Variants in ERBB4 observed in about 807,000 individuals in gnomAD.
The protein encoded by ERBB4 is erb-b2 receptor tyrosine kinase 4.
A neutral mutation model predicts 158.0 loss-of-function variants in ERBB4; 42 were observed. That is an observed-to-expected ratio of 0.27 (90% CI 0.21 to 0.34). The LOEUF is 0.34. Ranked by LOEUF, ERBB4 falls within the 10% of genes least tolerant of loss-of-function variation. The probability of loss-of-function intolerance (pLI) is 1.00; values close to 1 mark genes in which losing one functional copy is unlikely to be tolerated. For synonymous variants in ERBB4, 583 were observed against 558.7 expected, an observed-to-expected ratio of 1.04 and a Z score of -0.61; for missense variants, 1,333 against 1,624.1, an observed-to-expected ratio of 0.82 and a Z score of 3.08.
At chr2:211,486,616 G>C (rs574879597) in intron 20 of ERBB4, among the ~76,000 whole-genome samples, 3 of 151,932 alleles carry the variant, frequency 2.0e-5, no homozygotes, top group Non-Finnish European at 4.4e-5. Context: ...CCTTGGCTTT[G>C]ATTTTAAACA....
chr2:211,566,612 C>T (rs1239729819), intron 19 of ERBB4, among the ~76,000 whole-genome samples: 1 of 151,920 alleles, frequency 6.6e-6, no homozygotes, highest in Non-Finnish European at 1.5e-5. Context: ...CTATTATTAC[C>T]TATTATTTAA....
chr2:211,662,217 A>T (rs1156802263), intron 15 of ERBB4, among the ~76,000 whole-genome samples: 1 of 152,100 alleles, frequency 6.6e-6, no homozygotes, highest in East Asian at 1.9e-4. Context: ...GTTTGGTTTG[A>T]TACAAAACCA....
intron 2 of ERBB4, among the ~76,000 whole-genome samples, chr2:211,990,784 A>G (rs1185524852): frequency 1.3e-5 from 2 of 151,916 alleles, no homozygotes; most frequent in African/African-American, 4.8e-5. Context: ...TTTAGAAGAC[A>G]AAACGTAAGA....
chr2:211,543,365 A>C (rs2066863863), intron 20 of ERBB4, among the ~76,000 whole-genome samples: 1 of 152,054 alleles, frequency 6.6e-6, no homozygotes, highest in Non-Finnish European at 1.5e-5. Flanking sequence ...CAATTTCTTT[A>C]AAGCATATTG....
At chr2:212,285,169 T>C (rs1461830463) in intron 1 of ERBB4, among the ~76,000 whole-genome samples, 2 of 152,164 alleles carry the variant, frequency 1.3e-5, no homozygotes, top group Non-Finnish European at 2.9e-5. Context: ...GGCTCAGTTA[T>C]AGACTTTCGC....
chr2:212,015,182 G>T (rs1005536721), intron 2 of ERBB4, among the ~76,000 whole-genome samples: 4 of 146,118 alleles, frequency 2.7e-5, no homozygotes, highest in African/African-American at 1.0e-4. Flanking sequence ...AGGAGAATGG[G>T]GTGAACCCAG....
chr2:211,890,455 C>CA (rs1414362180), intron 3 of ERBB4, among the ~76,000 whole-genome samples: 1 of 151,836 alleles, frequency 6.6e-6, no homozygotes, highest in East Asian at 1.9e-4. Flanking sequence ...AAAATCATGC[C>CA]AAAATGTACA....
chr2:212,015,868 A>AG (rs952920999), intron 2 of ERBB4, among the ~76,000 whole-genome samples: 1 of 152,188 alleles, frequency 6.6e-6, no homozygotes, highest in African/African-American at 2.4e-5. Flanking sequence ...GCAAAGTCAC[A>AG]GGGGTGTGAG....
At chr2:211,894,326 C>T (rs927423549) in intron 3 of ERBB4, among the ~76,000 whole-genome samples, 59 of 147,966 alleles carry the variant, frequency 4.0e-4, no homozygotes, top group East Asian at 1.8e-3. Flanking sequence ...AAACCAAACA[C>T]GGCATATTCT....
At chr2:212,360,951 G>T (rs981714927) in intron 1 of ERBB4, among the ~76,000 whole-genome samples, 6 of 151,636 alleles carry the variant, frequency 4.0e-5, no homozygotes, top group African/African-American at 1.2e-4. Flanking sequence ...CTTCTTAACA[G>T]ATTTTTCTCA....
chr2:211,638,491 T>C (rs538830756), intron 16 of ERBB4, among the ~76,000 whole-genome samples: 1 of 152,194 alleles, frequency 6.6e-6, no homozygotes, highest in Non-Finnish European at 1.5e-5. Flanking sequence ...TTACAGTTTT[T>C]GGTTGACGAG....
chr2:211,920,800 T>C (rs2079838632), intron 3 of ERBB4, among the ~76,000 whole-genome samples: 1 of 151,898 alleles, frequency 6.6e-6, no homozygotes, highest in African/African-American at 2.4e-5. Flanking sequence ...TTATGTTTTC[T>C]TTTCTATTTG....
At chr2:212,371,755 C>A (rs1006163712) in intron 1 of ERBB4, among the ~76,000 whole-genome samples, 17 of 152,072 alleles carry the variant, frequency 1.1e-4, no homozygotes, top group African/African-American at 4.1e-4. Context: ...TGAGGATCAG[C>A]GCACTTTTGG....
At chr2:211,986,875 A>AATTTAATTTAATTTAATTTAAT (rs1405368649) in intron 2 of ERBB4, among the ~76,000 whole-genome samples, 1 of 152,200 alleles carries the variant, frequency 6.6e-6, no homozygotes. Context: ...TAATATTTAC[A>AATTTAATTTAATTTAATTTAAT]AAGACTCTGG....
chr2:211,440,522 G>A (rs192830647), intron 20 of ERBB4, among the ~76,000 whole-genome samples: 25 of 152,258 alleles, frequency 1.6e-4, no homozygotes, highest in African/African-American at 5.8e-4. Context: ...AGTAATAATT[G>A]AGCAGAAACA....
At position 212,507,211 on chromosome 2, in the gene ERBB4, A is replaced by G. The variant is rs75037638; in HGVS notation, c.82+31238T>C. Among the ~76,000 whole-genome samples, 985 of 138,762 alleles carry G rather than the reference A, an allele frequency of 7.1e-3. 11 individuals are homozygous for G. The highest frequency in any genetic ancestry group is 0.024 in the African/African-American group (947 of 39,530). 91.0% of individuals were successfully genotyped at this position (138,762 alleles called of 152,430 possible). A position where few individuals can be genotyped will look rare whatever the true frequency, so the allele number is the denominator to read the frequency against. ...CTACTATTGGAGACCTATTGCTCAGAAAAAAAAAAAAAGATTCCTTTCAAA... is the reference window on the plus strand; with the variant it reads ...CTACTATTGGAGACCTATTGCTCAGGAAAAAAAAAAAAGATTCCTTTCAAA... On this transcript the variant is annotated intron_variant, in intron 1 of 27. Transcript: ENST00000342788.
In ERBB4 at chr2:212,538,266, C is replaced by T. The variant is rs138055949; in HGVS notation, c.82+183G>A. Reference sequence around the variant, plus strand: ...GAGTGATTTTTCACGATAAATAAAGCAAACGCACACATACAGGGTAAGTTT... The same window carrying T: ...GAGTGATTTTTCACGATAAATAAAGTAAACGCACACATACAGGGTAAGTTT... On this transcript the variant is annotated intron_variant, in intron 1 of 27. Coordinates refer to ENST00000342788, the MANE Select transcript of ERBB4 (RefSeq NM_005235.3). Among the ~76,000 whole-genome samples the T allele has an allele frequency of 3.0e-4, 45 of 152,264 alleles. No homozygotes were observed. The East Asian group carries it at 8.5e-3, about 29-fold the overall frequency.
At chr2:212,238,199 C>T (rs1353606174) in intron 1 of ERBB4, among the ~76,000 whole-genome samples, 1 of 152,232 alleles carries the variant, frequency 6.6e-6, no homozygotes, top group East Asian at 1.9e-4. Context: ...ACCCAGGGCC[C>T]TGGTGGCATA....
chr2:211,678,840 G>A (rs965156078), intron 13 of ERBB4, among the ~76,000 whole-genome samples: 2 of 151,838 alleles, frequency 1.3e-5, no homozygotes, highest in East Asian at 1.9e-4. Context: ...GGTGGCGGGC[G>A]CCTGTAATCC....
Sources: gnomAD v4.1 joint callset for allele counts (sites outside exome capture counted in the v4.1 genomes callset) on GRCh38, gnomAD v4.1.1 for gene constraint, MANE v1.5 for transcripts, NCBI Gene and HGNC (gene_info 2026-07-23, HGNC 2026-07-21) for gene names.